The following RYR3 variants were observed in gnomAD, a reference collection of about 807,000 sequenced individuals.
RYR3 encodes the protein ryanodine receptor 3.
A neutral mutation model predicts 584.3 loss-of-function variants in RYR3; 207 were observed. That is an observed-to-expected ratio of 0.35 (90% confidence interval 0.32 to 0.40). The LOEUF (loss-of-function observed/expected upper bound fraction) is 0.40, where lower values mean the gene tolerates loss of function less well. RYR3 is among the 10% of genes least tolerant of loss of function. The pLI, the probability that RYR3 is intolerant of heterozygous loss-of-function variation, is 1.00. For synonymous variants in RYR3, 2,416 were observed against 2,248.5 expected, an observed-to-expected ratio of 1.07 and a Z score of -2.11; for missense variants, 5,616 against 6,089.2, an observed-to-expected ratio of 0.92 and a Z score of 2.59.
chr15:33,399,530 C>T (rs914231742), intron 1 of RYR3, among the ~76,000 whole-genome samples: 2 of 152,046 alleles, frequency 1.3e-5, no homozygotes, highest in Non-Finnish European at 2.9e-5. Flanking sequence ...CCCAGCTACT[C>T]GCGAGGCTGA....
intron 2 of RYR3, among the ~76,000 whole-genome samples, chr15:33,474,439 G>A (rs1236951510): frequency 2.0e-5 from 3 of 152,164 alleles, no homozygotes; most frequent in African/African-American, 7.2e-5. Context: ...TTGAGGTAGA[G>A]TTCCTTCTTT....
At chr15:33,379,179 G>A (rs1053209813) in intron 1 of RYR3, among the ~76,000 whole-genome samples, 2 of 152,100 alleles carry the variant, frequency 1.3e-5, no homozygotes, top group African/African-American at 4.8e-5. Flanking sequence ...AGCAGTTCTG[G>A]CTACTGGTTT....
At chr15:33,485,431 G>C (rs1288984099) in intron 2 of RYR3, among the ~76,000 whole-genome samples, 1 of 152,206 alleles carries the variant, frequency 6.6e-6, no homozygotes, top group African/African-American at 2.4e-5. Context: ...ATGTGGAAAA[G>C]AGAAGAGAGG....
At position 33,818,589 on chromosome 15, in the gene RYR3, G is replaced by A; in HGVS notation, c.10611G>A (p.Lys3537=). The A allele has an allele frequency of 3.1e-6, 5 of 1,613,282 alleles. No individual in the cohort carries two copies. The highest frequency in any genetic ancestry group is 1.1e-5 in the South Asian group (1 of 91,058). ...GTTGGTTTGTGTAGAAATCTCCAAA[G>A]GTGGAAGAGGAGGAGGAGGAAGAGA... is the stretch of plus-strand genomic sequence containing the variant. ...KLVQDLAKSP[K]VEEEEEEETE... Residue 3537 remains lysine (K), a synonymous_variant, in exon 76 of 104, where the codon AAG becomes AAA. Transcript: ENST00000634891.
intron 38 of RYR3, among the ~76,000 whole-genome samples, chr15:33,671,370 C>A (rs908765008): frequency 6.6e-6 from 1 of 152,170 alleles, no homozygotes; most frequent in Non-Finnish European, 1.5e-5. Flanking sequence ...CATCTTGGAA[C>A]ACCCTTTCAA....
chr15:33,452,897 C>T (rs1162860332), intron 1 of RYR3, among the ~76,000 whole-genome samples: 2 of 152,200 alleles, frequency 1.3e-5, no homozygotes, highest in African/African-American at 4.8e-5. Flanking sequence ...TTCCTAATTA[C>T]AGAAAAACCT....
chr15:33,707,325 C>T (rs967091508), intron 43 of RYR3, among the ~76,000 whole-genome samples: 1 of 152,132 alleles, frequency 6.6e-6, no homozygotes, highest in African/African-American at 2.4e-5. Flanking sequence ...GAGAGGTCAT[C>T]TCTCTGCACT....
intron 38 of RYR3, among the ~76,000 whole-genome samples, chr15:33,681,830 C>T (rs16957454): frequency 0.052 from 7,841 of 152,158 alleles, 481 homozygotes; most frequent in African/African-American, 0.14. Context: ...CAAACTGACC[C>T]AGATTTAAGA....
At chr15:33,562,194 C>T (rs1006325323) in intron 10 of RYR3, among the ~76,000 whole-genome samples, 1 of 152,156 alleles carries the variant, frequency 6.6e-6, no homozygotes, top group African/African-American at 2.4e-5. Flanking sequence ...CAGGAAGTCC[C>T]TTTTCCACAC....
At chr15:33,570,462 G>A (rs1579584) in intron 12 of RYR3, among the ~76,000 whole-genome samples, 32,492 of 152,028 alleles carry the variant, frequency 0.21, 5,413 homozygotes, top group African/African-American at 0.47. Context: ...ATTCCAAAAT[G>A]ACACTGTCTT....
intron 1 of RYR3, among the ~76,000 whole-genome samples, chr15:33,326,203 G>C (rs893317097): frequency 1.3e-5 from 2 of 152,070 alleles, no homozygotes; most frequent in African/African-American, 2.4e-5. Context: ...AAGAACCATA[G>C]GGCATTATAG....
At chr15:33,668,599 C>T (rs12442062) in intron 36 of RYR3, among the ~76,000 whole-genome samples, 51,087 of 152,062 alleles carry the variant, frequency 0.34, 10,172 homozygotes, top group Non-Finnish European at 0.45. Flanking sequence ...AGGGATAGGA[C>T]ATTTTTCACC....
At chr15:33,401,552 A>G (rs1324093980) in intron 1 of RYR3, among the ~76,000 whole-genome samples, 1 of 152,250 alleles carries the variant, frequency 6.6e-6, no homozygotes, top group African/African-American at 2.4e-5. Flanking sequence ...GGCCTGTAGA[A>G]TAATTTTTTA....
chr15:33,664,614 T>TATATATATATATATATATATACAC (rs1491296584), intron 36 of RYR3, among the ~76,000 whole-genome samples: 13 of 120,528 alleles, frequency 1.1e-4, no homozygotes, highest in African/African-American at 2.7e-4. Context: ...TATATATATA[T>TATATATATATATATATATATACAC]ACGTATGTAT....
At chr15:33,646,301 C>A in intron 28 of RYR3, 50 bp from the exon 29 acceptor site, 1 of 1,503,842 alleles carries the variant, frequency 6.6e-7, no homozygotes, top group South Asian at 1.3e-5. Flanking sequence ...GGGACTGGGT[C>A]AAGGTCAGGC....
chr15:33,372,742 G>T (rs934067442), intron 1 of RYR3, among the ~76,000 whole-genome samples: 11 of 152,078 alleles, frequency 7.2e-5, no homozygotes, highest in African/African-American at 2.7e-4. Context: ...CTGAGCTCAG[G>T]CAATCCACCC....
At chr15:33,654,892 G>C (rs2062733245) in intron 32 of RYR3, among the ~76,000 whole-genome samples, 1 of 152,284 alleles carries the variant, frequency 6.6e-6, no homozygotes, top group Non-Finnish European at 1.5e-5. Context: ...TTGGCAGCCA[G>C]TTCTCTGGCC....
At chr15:33,809,653 T>G (rs542603292) in intron 70 of RYR3, among the ~76,000 whole-genome samples, 1 of 150,690 alleles carries the variant, frequency 6.6e-6, no homozygotes, top group South Asian at 2.1e-4. Flanking sequence ...TTGTTGTTGT[T>G]GAGGCCGAGT....
intron 1 of RYR3, among the ~76,000 whole-genome samples, chr15:33,338,424 G>A (rs1971411961): frequency 6.6e-6 from 1 of 152,178 alleles, no homozygotes; most frequent in Admixed American, 6.5e-5. Context: ...GAGGAAAAAT[G>A]CGGGGAATCT....
Sources: gnomAD v4.1 joint callset for allele counts (sites outside exome capture counted in the v4.1 genomes callset) on GRCh38, gnomAD v4.1.1 for gene constraint, MANE v1.5 for transcripts, NCBI Gene and HGNC (gene_info 2026-07-23, HGNC 2026-07-21) for gene names.